The following PRICKLE2 variants were observed in gnomAD, a reference collection of about 807,000 sequenced individuals.
PRICKLE2 encodes the protein prickle-like protein 2.
PRICKLE2 carries 21 observed loss-of-function variants against 81.4 expected under a neutral mutation model. The ratio of observed to expected loss-of-function variants is 0.26; its 90% CI spans 0.18 to 0.37. The LOEUF is 0.37. PRICKLE2 is among the 10% of genes least tolerant of loss of function. The pLI, the probability that PRICKLE2 is intolerant of heterozygous loss-of-function variation, is 1.00. For synonymous variants in PRICKLE2, 456 were observed against 421.5 expected, an observed-to-expected ratio of 1.08 and a Z score of -1.00; for missense variants, 940 against 1,109.0, an observed-to-expected ratio of 0.85 and a Z score of 2.16.
At chr3:64,199,027 G>C (rs1665979332) in intron 1 of PRICKLE2, 60 bp from the exon 2 acceptor site, 1 of 1,504,204 alleles carries the variant, frequency 6.6e-7, no homozygotes, top group African/African-American at 1.4e-5. Context: ...TTTTCCAAGA[G>C]CCTGCCAGTC....
intron 6 of PRICKLE2, among the ~76,000 whole-genome samples, chr3:64,151,128 G>A (rs2077540230): frequency 6.6e-6 from 1 of 152,232 alleles, no homozygotes. Context: ...GGCCTGCTCT[G>A]AGCGGCTGTA....
chr3:64,199,251 G>T, intron 1 of PRICKLE2: 1 of 561,598 alleles, frequency 1.8e-6, no homozygotes, highest in South Asian at 2.1e-5. Flanking sequence ...TACCCCAAGA[G>T]GAATGGTAAT....
chr3:64,137,811 G>A (rs541110479), intron 7 of PRICKLE2, among the ~76,000 whole-genome samples: 2 of 152,292 alleles, frequency 1.3e-5, no homozygotes. Context: ...TAGGGGTGAT[G>A]TTCAGAGTCA....
chr3:64,186,483 A>G (rs906220194), intron 2 of PRICKLE2, among the ~76,000 whole-genome samples: 4 of 152,192 alleles, frequency 2.6e-5, no homozygotes, highest in African/African-American at 9.7e-5. Flanking sequence ...AAGTTATCGG[A>G]GGCCAGCACA....
chr3:64,159,336 G>A (rs2077692472), intron 4 of PRICKLE2, among the ~76,000 whole-genome samples: 1 of 152,262 alleles, frequency 6.6e-6, no homozygotes, highest in African/African-American at 2.4e-5. Context: ...ATGATCCTGG[G>A]AGGGAGGCTG....
At chr3:64,135,291 C>A (rs913529003) in intron 7 of PRICKLE2, among the ~76,000 whole-genome samples, 1 of 152,124 alleles carries the variant, frequency 6.6e-6, no homozygotes, top group Non-Finnish European at 1.5e-5. Flanking sequence ...GTATTTTCCT[C>A]CATTCCTTGT....
intron 2 of PRICKLE2, among the ~76,000 whole-genome samples, chr3:64,245,615 A>G (rs1309505698): frequency 6.6e-6 from 1 of 152,172 alleles, no homozygotes; most frequent in Non-Finnish European, 1.5e-5. Context: ...TGACCAGGCA[A>G]TGTAAGTATT....
At chr3:64,198,631 T>C in intron 2 of PRICKLE2, 153 bp downstream of exon 2, 1 of 775,970 alleles carries the variant, frequency 1.3e-6, no homozygotes, top group South Asian at 1.5e-5. Flanking sequence ...TTCCTCATTT[T>C]CCACTGGGGC....
chr3:64,169,922 A>G (rs1267434157), intron 2 of PRICKLE2, among the ~76,000 whole-genome samples: 1 of 152,172 alleles, frequency 6.6e-6, no homozygotes, highest in Non-Finnish European at 1.5e-5. Flanking sequence ...GTCTTTAAAA[A>G]AGTACACAGT....
At chr3:64,132,608 T>C (rs1212220845) in intron 7 of PRICKLE2, among the ~76,000 whole-genome samples, 1 of 152,226 alleles carries the variant, frequency 6.6e-6, no homozygotes, top group Non-Finnish European at 1.5e-5. Flanking sequence ...TAAATATTTG[T>C]TGAAAACATG....
rs180903875 is a variant in PRICKLE2, at chr3:64,147,708, A to G, written c.788-6T>C. 2.2e-3 allele frequency: 3,486 copies of G among 1,613,506 alleles called. 9 individuals are homozygous for G. The highest frequency in any genetic ancestry group is 2.6e-3 in the Non-Finnish European group (3,049 of 1,180,006). ...CATTTGACCTTGGTCGATACCTAAA[A>G]AAATGAGAGACATTGGAGAGGCTGA... On this transcript the variant is annotated splice_region_variant and splice_polypyrimidine_tract_variant and intron_variant, in intron 6 of 7. Transcript: ENST00000638394. This position sits in a 1 kb window ranked among gnomAD's most constrained non-coding sequence, Gnocchi z 5.0.
chr3:64,199,018 T>C, intron 1 of PRICKLE2, 51 bp from the exon 2 acceptor site: 2 of 1,562,656 alleles, frequency 1.3e-6, no homozygotes, highest in Non-Finnish European at 1.7e-6. Context: ...CCTTTTTTTT[T>C]TTCCAAGAGC....
At chr3:64,204,815 G>T (rs1342878243) in intron 1 of PRICKLE2, among the ~76,000 whole-genome samples, 1 of 151,998 alleles carries the variant, frequency 6.6e-6, no homozygotes, top group African/African-American at 2.4e-5. Context: ...TTTGGTAATG[G>T]CTAATTTAAT....
Position 64,095,294 on chromosome 3 carries a change from T to C in PRICKLE2, c.*3757A>G, listed in dbSNP as rs921969663. The C allele has an allele frequency of 6.6e-6, 1 of 152,192 alleles. No individual in the cohort carries two copies. Among genetic ancestry groups the C allele is most frequent in the Non-Finnish European group, 1.5e-5 (1 of 68,020 alleles). The allele number at this position is 152,192 out of a possible 1,614,324, so 9.4% of individuals were successfully genotyped here. ...GGTGAATTGGAGTCTCCGAATTACT[T>C]ATACATATTGGTTCCTAAATGTTCG... On this transcript the variant is annotated 3_prime_UTR_variant, in exon 8 of 8. Coordinates refer to ENST00000638394, the MANE Select transcript of PRICKLE2 (RefSeq NM_198859.4).
Position 64,157,148 on chromosome 3 carries a change from G to T in PRICKLE2, c.600+14C>A, listed in dbSNP as rs1255321996. ...GGGTGATGGGCAGGTAAACCTGCTG[G>T]AGTTTGCTCTAACCTCATCGCAGGC... On this transcript the variant is annotated intron_variant, in intron 5 of 7. Transcript: ENST00000638394. The T allele has an allele frequency of 6.2e-7, 1 of 1,612,790 alleles. No homozygotes were observed. The highest frequency in any genetic ancestry group is 1.3e-5 in the African/African-American group (1 of 74,918).
At chr3:64,149,300 A>C (rs1160019422) in intron 6 of PRICKLE2, among the ~76,000 whole-genome samples, 1 of 152,210 alleles carries the variant, frequency 6.6e-6, no homozygotes, top group African/African-American at 2.4e-5. Context: ...CAGCAAAAAA[A>C]ATCTGCTCTC....
chr3:64,242,367 A>C (rs191046040), intron 2 of PRICKLE2, among the ~76,000 whole-genome samples: 1 of 152,148 alleles, frequency 6.6e-6, no homozygotes, highest in Non-Finnish European at 1.5e-5. Flanking sequence ...TCCATGAAGG[A>C]AATTCCTTCA....
At chr3:64,161,927 A>T (rs2077742326) in intron 3 of PRICKLE2, among the ~76,000 whole-genome samples, 1 of 152,154 alleles carries the variant, frequency 6.6e-6, no homozygotes. Context: ...ACTTTAAAGG[A>T]GAAAGCATTA....
At chr3:64,117,379 G>A (rs1477740331) in intron 7 of PRICKLE2, among the ~76,000 whole-genome samples, 1 of 152,068 alleles carries the variant, frequency 6.6e-6, no homozygotes, top group Non-Finnish European at 1.5e-5. Flanking sequence ...GAAATAAAAG[G>A]CACTCCAAAT....
Sources: allele counts gnomAD v4.1 joint callset (sites outside exome capture counted in the v4.1 genomes callset), GRCh38; gene constraint gnomAD v4.1.1; non-coding constraint Gnocchi (gnomAD v3.1); transcripts MANE v1.5; gene names NCBI Gene and HGNC (gene_info 2026-07-23, HGNC 2026-07-21).